The following SLC30A8 variants were observed in gnomAD, a reference collection of about 807,000 sequenced individuals.
The protein encoded by SLC30A8 is solute carrier family 30 member 8.
In SLC30A8, 27 loss-of-function variants were observed where a neutral mutation model predicts 36.9. The observed-to-expected ratio is 0.73, with a 90% CI of 0.54 to 1.01. The LOEUF (loss-of-function observed/expected upper bound fraction) is 1.01. SLC30A8 is among the 50% of genes least tolerant of loss of function. SLC30A8 has a pLI of 0.00. For synonymous variants in SLC30A8, 164 were observed against 172.4 expected (o/e 0.95, Z 0.38); for missense variants, 439 against 452.0 (o/e 0.97, Z 0.26).
At chr8:117,072,859 T>G (rs924756639) in intron 2 of SLC30A8, among the ~76,000 whole-genome samples, 16 of 148,386 alleles carry the variant, frequency 1.1e-4, no homozygotes, top group African/African-American at 4.0e-4. Flanking sequence ...TTTTTTCAAA[T>G]ACAGGGGATT....
intron 6 of SLC30A8, among the ~76,000 whole-genome samples, chr8:117,165,942 G>T (rs117674983): frequency 6.6e-6 from 1 of 152,232 alleles, no homozygotes; most frequent in East Asian, 1.9e-4. Context: ...TGTTCTCATA[G>T]AAGTGAAAAG....
intron 1 of SLC30A8, among the ~76,000 whole-genome samples, chr8:116,986,612 T>C (rs1815451466): frequency 2.6e-5 from 4 of 152,108 alleles, no homozygotes; most frequent in Admixed American, 2.6e-4. Context: ...AATTAACAGC[T>C]CATCTTGTAT....
chr8:116,987,456 AAAAAT>A (rs1054613745), intron 1 of SLC30A8, among the ~76,000 whole-genome samples: 43 of 152,306 alleles, frequency 2.8e-4, no homozygotes, highest in African/African-American at 8.4e-4. Flanking sequence ...ATGCACACGT[AAAAAT>A]AAAATAAAAT....
chr8:117,071,511 T>C lies in SLC30A8; in HGVS notation c.-226+32253T>C, dbSNP rs1007297420. Reference sequence around the variant, plus strand: ...CTCATTTTGTGGATTATCTCTTCACTGTGTTAATTGTTTTCTTTGCAGTGC... The same window carrying C: ...CTCATTTTGTGGATTATCTCTTCACCGTGTTAATTGTTTTCTTTGCAGTGC... On this transcript the variant is annotated intron_variant, in intron 2 of 10. Coordinates refer to the SLC30A8 transcript ENST00000427715. Among the ~76,000 whole-genome samples the C allele has an allele frequency of 3.3e-5, 5 of 152,346 alleles. 1 individual carries two copies. Among genetic ancestry groups the C allele is most frequent in the Admixed American group, 2.6e-4 (4 of 15,302 alleles).
At chr8:117,019,911 A>G (rs1191999386) in intron 1 of SLC30A8, among the ~76,000 whole-genome samples, 2 of 152,246 alleles carry the variant, frequency 1.3e-5, no homozygotes, top group Non-Finnish European at 2.9e-5. Context: ...CTGGATTGCA[A>G]TAGGTCCAGC....
At chr8:117,150,441 G>A (rs1297703111) in intron 2 of SLC30A8, among the ~76,000 whole-genome samples, 1 of 152,088 alleles carries the variant, frequency 6.6e-6, no homozygotes, top group African/African-American at 2.4e-5. Context: ...CACTCCACAG[G>A]CCTTAAGTCA....
At chr8:117,152,838 T>G (rs764045247) in intron 2 of SLC30A8, 106 bp from the exon 3 acceptor site, 32 of 911,886 alleles carry the variant, frequency 3.5e-5, no homozygotes, top group Non-Finnish European at 2.0e-5. Flanking sequence ...CTTTTTCCTC[T>G]AAAGTTTTGT....
At chr8:117,151,879 T>C (rs1822207184) in intron 2 of SLC30A8, among the ~76,000 whole-genome samples, 1 of 152,238 alleles carries the variant, frequency 6.6e-6, no homozygotes, top group Non-Finnish European at 1.5e-5. Context: ...TGAATCATTC[T>C]GATTTTTGCA....
intron 1 of SLC30A8, among the ~76,000 whole-genome samples, chr8:116,984,040 T>C (rs1003491595): frequency 2.6e-5 from 4 of 152,314 alleles, no homozygotes; most frequent in South Asian, 2.1e-4. Context: ...TATACATTTT[T>C]ATAATTTTTA....
At chr8:117,152,714 CTA>C (rs1430089450) in intron 2 of SLC30A8, among the ~76,000 whole-genome samples, 1 of 152,158 alleles carries the variant, frequency 6.6e-6, no homozygotes, top group Non-Finnish European at 1.5e-5. Context: ...TTTCTAGTCT[CTA>C]TGTCTTTTCT....
intron 1 of SLC30A8, among the ~76,000 whole-genome samples, chr8:116,959,105 T>C (rs35526880): frequency 6.6e-6 from 1 of 152,100 alleles, no homozygotes; most frequent in Non-Finnish European, 1.5e-5. Flanking sequence ...CGCCTCGGCC[T>C]CCCAAAGTGC....
intron 2 of SLC30A8, among the ~76,000 whole-genome samples, chr8:117,063,971 C>A (rs776476154): frequency 3.3e-5 from 5 of 152,056 alleles, no homozygotes; most frequent in Non-Finnish European, 7.4e-5. Context: ...CACTCTCACA[C>A]CAACCTGTGG....
intron 2 of SLC30A8, among the ~76,000 whole-genome samples, chr8:117,076,350 T>C (rs1331536659): frequency 6.6e-6 from 1 of 152,176 alleles, no homozygotes; most frequent in African/African-American, 2.4e-5. Flanking sequence ...TTTTTCCCTT[T>C]GGGAAGGCAA....
intron 1 of SLC30A8, among the ~76,000 whole-genome samples, chr8:116,955,493 G>A (rs547494060): frequency 6.6e-6 from 1 of 152,218 alleles, no homozygotes; most frequent in Admixed American, 6.5e-5. Flanking sequence ...ACTTTGGGAG[G>A]CTGAGGTGGG....
At chr8:117,154,861 C>A (rs1313102408) in intron 3 of SLC30A8, among the ~76,000 whole-genome samples, 1 of 152,146 alleles carries the variant, frequency 6.6e-6, no homozygotes, top group African/African-American at 2.4e-5. Flanking sequence ...CCATGGAAGA[C>A]CCTGAGCTAT....
intron 1 of SLC30A8, among the ~76,000 whole-genome samples, chr8:117,002,666 G>A (rs1335162883): frequency 2.0e-5 from 3 of 151,966 alleles, no homozygotes; most frequent in Non-Finnish European, 4.4e-5. Context: ...GTGCAGTGGC[G>A]CAATCTTGGC....
chr8:117,119,950 A>G (rs1820620650), intron 2 of SLC30A8, among the ~76,000 whole-genome samples: 1 of 151,992 alleles, frequency 6.6e-6, no homozygotes, highest in Admixed American at 6.6e-5. Context: ...GCTGAAAACA[A>G]CATAACATAG....
At chr8:117,141,404 C>A (rs1206749403) in intron 1 of SLC30A8, among the ~76,000 whole-genome samples, 1 of 152,030 alleles carries the variant, frequency 6.6e-6, no homozygotes, top group African/African-American at 2.4e-5. Context: ...TAATAGGATA[C>A]AGAACAAAGC....
chr8:117,076,177 G>C (rs368876165), intron 2 of SLC30A8, among the ~76,000 whole-genome samples: 129 of 152,240 alleles, frequency 8.5e-4, no homozygotes, highest in African/African-American at 2.9e-3. Flanking sequence ...TCTAGCTGCT[G>C]TTCAGTTTTA....
Sources: gnomAD v4.1 joint callset for allele counts (sites outside exome capture counted in the v4.1 genomes callset) on GRCh38, gnomAD v4.1.1 for gene constraint, MANE v1.5 for transcripts, NCBI Gene and HGNC (gene_info 2026-07-23, HGNC 2026-07-21) for gene names.